Variants in CYP39A1 observed in about 807,000 individuals in gnomAD.
The protein encoded by CYP39A1 is cytochrome P450 family 39 subfamily A member 1, also known as 24-hydroxycholesterol 7-alpha-hydroxylase.
In CYP39A1, 49 loss-of-function variants were observed where a neutral mutation model predicts 58.1. That is an observed-to-expected ratio of 0.84 (90% CI 0.67 to 1.07). The LOEUF is 1.07. CYP39A1 is among the 50% of genes least tolerant of loss of function. The pLI is 0.00. For missense variants in CYP39A1, 531 were observed against 539.4 expected (o/e 0.98, Z 0.16); for synonymous variants, 209 against 187.6 (o/e 1.11, Z -0.93).
At chr6:46,623,437 T>C (rs1039714796) in intron 7 of CYP39A1, among the ~76,000 whole-genome samples, 7 of 152,152 alleles carry the variant, frequency 4.6e-5, no homozygotes, top group African/African-American at 1.7e-4. Context: ...ATTCTGGGTG[T>C]GTCTGTGAGG....
intron 8 of CYP39A1, among the ~76,000 whole-genome samples, chr6:46,592,144 G>A (rs1318438840): frequency 1.3e-5 from 2 of 152,170 alleles, no homozygotes; most frequent in Non-Finnish European, 2.9e-5. Flanking sequence ...CAAGAAAGTA[G>A]AGAGTGTTCG....
rs186758337 is a variant in CYP39A1, at chr6:46,589,798, C to A, written c.1066-1669G>T. 2.1e-4 allele frequency among the ~76,000 whole-genome samples: 32 copies of A among 152,216 alleles called. No individual in the cohort carries two copies. The East Asian group carries it at 3.3e-3, about 16-fold the overall frequency. ...GTGTATTTGAGAGCAGGGTTGGGGG[C>A]AGCACAGGGATGGGCCTTCAGTCAG... is the stretch of plus-strand genomic sequence containing the variant. On this transcript the variant is annotated intron_variant, in intron 8 of 11. Coordinates refer to ENST00000275016, the MANE Select transcript of CYP39A1 (RefSeq NM_016593.5).
intron 10 of CYP39A1, among the ~76,000 whole-genome samples, chr6:46,584,450 C>T (rs1290995488): frequency 1.3e-5 from 2 of 152,130 alleles, no homozygotes; most frequent in Non-Finnish European, 2.9e-5. Flanking sequence ...TCAAAGCCTT[C>T]CTCTCACCTG....
intron 1 of CYP39A1, among the ~76,000 whole-genome samples, chr6:46,648,921 G>C (rs1188811232): frequency 6.6e-6 from 1 of 152,126 alleles, no homozygotes; most frequent in Non-Finnish European, 1.5e-5. Context: ...CAGAGTGCCA[G>C]AAATGTTATC....
At chr6:46,599,161 T>G (rs972277396) in intron 7 of CYP39A1, among the ~76,000 whole-genome samples, 4 of 152,138 alleles carry the variant, frequency 2.6e-5, no homozygotes, top group Admixed American at 1.3e-4. Context: ...TACAGGTAGT[T>G]TGCAAGTGCT....
At chr6:46,622,964 A>G (rs1430496206) in intron 7 of CYP39A1, among the ~76,000 whole-genome samples, 1 of 152,192 alleles carries the variant, frequency 6.6e-6, no homozygotes, top group Non-Finnish European at 1.5e-5. Flanking sequence ...ATTCAATAGT[A>G]GTTTTTACCC....
rs1561995172 is a variant in CYP39A1 at position 46,616,958 on chromosome 6, G to A, written c.931+8460C>T. On this transcript the variant is annotated intron_variant, in intron 7 of 11. Transcript: ENST00000275016. ...TGAACCCACCAAGAGATTGGCGATC[G>A]ATCAATGGAACAAAATCTTAGAGGT... Among the ~76,000 whole-genome samples, 4 of 152,228 alleles carry A rather than the reference G, an allele frequency of 2.6e-5. No homozygotes were observed. In the South Asian group the frequency reaches 6.2e-4, roughly 24 times the overall value.
intron 7 of CYP39A1, among the ~76,000 whole-genome samples, chr6:46,599,675 C>T (rs1226465615): frequency 6.6e-6 from 1 of 152,140 alleles, no homozygotes; most frequent in Non-Finnish European, 1.5e-5. Context: ...ACATTATCCT[C>T]CTGGGGGACT....
At chr6:46,600,103 G>GC (rs1017973148) in intron 7 of CYP39A1, among the ~76,000 whole-genome samples, 1 of 151,504 alleles carries the variant, frequency 6.6e-6, no homozygotes, top group African/African-American at 2.4e-5. Context: ...TACATAATAA[G>GC]CCCCTTTCTT....
chr6:46,591,973 A>G (rs563691419), intron 8 of CYP39A1, among the ~76,000 whole-genome samples: 1 of 152,206 alleles, frequency 6.6e-6, no homozygotes, highest in African/African-American at 2.4e-5. Flanking sequence ...TTTCTCAATT[A>G]CTCATCTTTT....
chr6:46,631,144 G>T, intron 5 of CYP39A1, 74 bp from the exon 6 acceptor site: 2 of 1,170,532 alleles, frequency 1.7e-6, no homozygotes, highest in Non-Finnish European at 2.5e-6. Flanking sequence ...AAGAGATCAT[G>T]CCTTTTTCTT....
chr6:46,558,262 A>C (rs1770764212), intron 10 of CYP39A1, among the ~76,000 whole-genome samples: 1 of 152,180 alleles, frequency 6.6e-6, no homozygotes, highest in Non-Finnish European at 1.5e-5. Flanking sequence ...TTATGAAAAA[A>C]AAAGAGGTTT....
At chr6:46,561,585 G>C (rs918234990) in intron 10 of CYP39A1, among the ~76,000 whole-genome samples, 1 of 152,062 alleles carries the variant, frequency 6.6e-6, no homozygotes, top group Non-Finnish European at 1.5e-5. Flanking sequence ...GGAGGAGCCG[G>C]TTCAAGGGGG....
intron 8 of CYP39A1, among the ~76,000 whole-genome samples, chr6:46,592,779 A>G (rs1178684441): frequency 6.6e-6 from 1 of 152,092 alleles, no homozygotes; most frequent in African/African-American, 2.4e-5. Context: ...AACATGGTGA[A>G]ATCCTGGCTT....
intron 1 of CYP39A1, among the ~76,000 whole-genome samples, chr6:46,647,584 C>T (rs568876905): frequency 3.9e-5 from 6 of 152,174 alleles, no homozygotes; most frequent in African/African-American, 1.2e-4. Flanking sequence ...CCATTTCCCT[C>T]ATTAGAACCT....
chr6:46,569,482 T>C (rs1285822316), intron 10 of CYP39A1, among the ~76,000 whole-genome samples: 7 of 152,132 alleles, frequency 4.6e-5, no homozygotes, highest in Admixed American at 2.0e-4. Context: ...TCTTTAACCA[T>C]TGAGTATGAT....
intron 7 of CYP39A1, among the ~76,000 whole-genome samples, chr6:46,617,533 G>A (rs1160468665): frequency 2.0e-5 from 3 of 152,074 alleles, no homozygotes; most frequent in African/African-American, 7.2e-5. Context: ...AGATTAAAGT[G>A]GAAGCAACTT....
intron 3 of CYP39A1, 34 bp downstream of exon 3, chr6:46,639,460 A>G (rs761544952): frequency 6.3e-7 from 1 of 1,593,862 alleles, no homozygotes; most frequent in South Asian, 1.2e-5. Context: ...TAAAACAAAA[A>G]GCAAGACTAA....
chr6:46,623,904 T>G (rs1037026423), intron 7 of CYP39A1, among the ~76,000 whole-genome samples: 19 of 152,214 alleles, frequency 1.2e-4, no homozygotes, highest in African/African-American at 4.6e-4. Context: ...TAAATAGTTT[T>G]CAATTCTGCA....
Sources: gnomAD v4.1 joint callset for allele counts (sites outside exome capture counted in the v4.1 genomes callset) on GRCh38, gnomAD v4.1.1 for gene constraint, MANE v1.5 for transcripts, NCBI Gene and HGNC (gene_info 2026-07-23, HGNC 2026-07-21) for gene names.